Variants in GLIS3 observed in about 807,000 individuals in gnomAD.
GLIS3 encodes GLIS family zinc finger 3.
Under a neutral mutation model 78.6 loss-of-function variants are expected in GLIS3, and 53 were observed. The observed-to-expected ratio is 0.67, with a 90% CI of 0.54 to 0.85. GLIS3 has a LOEUF of 0.85. GLIS3 is among the 40% of genes least tolerant of loss of function. The pLI is 0.00. For synonymous variants in GLIS3, 684 were observed against 509.9 expected (o/e 1.34, Z -4.60); for missense variants, 1,703 against 1,231.1 (o/e 1.38, Z -5.74).
rs1832526549 is a variant in GLIS3, at chr9:4,125,751, T to A, written c.579A>T (p.Ile193=). 3 of 1,610,770 alleles carry A rather than the reference T, an allele frequency of 1.9e-6. No homozygotes were observed. Among genetic ancestry groups the A allele is most frequent in the Non-Finnish European group, 2.5e-6 (3 of 1,177,594 alleles). ...CTTGAGACCTGGTATCTGAAGGAGG[T>A]ATATTCAGGTTGGCTGCATTCATTG... The part of the protein sequence containing the change: ...QRAMNAANLN[I]PPSDTRSLIS... Residue 193 remains isoleucine, a synonymous_variant, in exon 3 of 11, where the codon ATA becomes ATT. Transcript: ENST00000381971.
At chr9:3,934,034 G>C (rs1435133987) in intron 5 of GLIS3, among the ~76,000 whole-genome samples, 1 of 152,180 alleles carries the variant, frequency 6.6e-6, no homozygotes, top group East Asian at 1.9e-4. Flanking sequence ...TTTCAGACTA[G>C]GGATCTAAAA....
At chr9:4,227,414 C>A (rs1821867525) in intron 2 of GLIS3, among the ~76,000 whole-genome samples, 1 of 151,938 alleles carries the variant, frequency 6.6e-6, no homozygotes, top group Non-Finnish European at 1.5e-5. Flanking sequence ...ATGGAAGAGG[C>A]AGTGACTTTC....
chr9:4,417,899 G>A, the GLIS3 span, among the ~76,000 whole-genome samples: 71 of 152,132 alleles, frequency 4.7e-4, no homozygotes, highest in African/African-American at 1.4e-3. Flanking sequence ...AATGTGGATT[G>A]GTATATCTGT....
intron 2 of GLIS3, among the ~76,000 whole-genome samples, chr9:4,265,596 G>A (rs1486011142): frequency 1.3e-5 from 2 of 152,114 alleles, no homozygotes; most frequent in African/African-American, 2.4e-5. Flanking sequence ...AAACAAAAAT[G>A]TTGTCACCTG....
chr9:4,295,207 T>C (rs935941466), intron 1 of GLIS3, among the ~76,000 whole-genome samples: 2 of 152,152 alleles, frequency 1.3e-5, no homozygotes, highest in Non-Finnish European at 2.9e-5. Flanking sequence ...TGGGGGTTGC[T>C]GGCCCTCACG....
At chr9:4,316,473 G>C (rs1817438055) in intron 2 of GLIS3, among the ~76,000 whole-genome samples, 1 of 152,180 alleles carries the variant, frequency 6.6e-6, no homozygotes, top group Non-Finnish European at 1.5e-5. Context: ...ATCATTTTGT[G>C]ATAACATTGA....
At chr9:4,340,491 T>A (rs1341900217) in intron 2 of GLIS3, among the ~76,000 whole-genome samples, 1 of 152,142 alleles carries the variant, frequency 6.6e-6, no homozygotes, top group Non-Finnish European at 1.5e-5. Flanking sequence ...TCAGGATGCA[T>A]CCTCCATCCC....
the GLIS3 span, among the ~76,000 whole-genome samples, chr9:4,485,342 C>A: frequency 6.6e-6 from 1 of 152,100 alleles, no homozygotes; most frequent in African/African-American, 2.4e-5. Context: ...AGATGTTTTT[C>A]AGACTTGGAT....
intron 8 of GLIS3, among the ~76,000 whole-genome samples, chr9:3,869,266 GGTGTGTGTGTGTGTGT>G (rs58818313): frequency 6.6e-6 from 1 of 151,146 alleles, no homozygotes; most frequent in Non-Finnish European, 1.5e-5. Context: ...AATTATCTAG[GGTGTGTGTGTGTGTGT>G]GTGTGTGTGT....
chr9:4,407,409 G>A, the GLIS3 span, among the ~76,000 whole-genome samples: 2 of 152,348 alleles, frequency 1.3e-5, no homozygotes, highest in South Asian at 4.1e-4. Flanking sequence ...ACTTCGGGAG[G>A]CCGAGGCAGG....
At chr9:4,050,634 G>C (rs1825686781) in intron 4 of GLIS3, among the ~76,000 whole-genome samples, 1 of 152,062 alleles carries the variant, frequency 6.6e-6, no homozygotes, top group African/African-American at 2.4e-5. Context: ...ATCTTCCGAG[G>C]AATGTTTGAA....
At chr9:4,486,910 T>C in the GLIS3 span, among the ~76,000 whole-genome samples, 1 of 152,072 alleles carries the variant, frequency 6.6e-6, no homozygotes, top group East Asian at 1.9e-4. Context: ...GTTGCCCAGG[T>C]TGGTCTCAAA....
chr9:4,236,708 A>AC (rs1324632478), intron 2 of GLIS3, among the ~76,000 whole-genome samples: 1 of 152,180 alleles, frequency 6.6e-6, no homozygotes, highest in African/African-American at 2.4e-5. Context: ...TTGAGCCCCC[A>AC]CTATGTGTAA....
At chr9:4,123,797 G>C (rs1007260052) in intron 3 of GLIS3, 3 of 398,140 alleles carry the variant, frequency 7.5e-6, no homozygotes, top group African/African-American at 6.2e-5. Context: ...CAGAATTCAG[G>C]ATGACTGTCA....
At position 4,045,029 on chromosome 9, in the gene GLIS3, G is replaced by C. The variant is rs537333233; in HGVS notation, c.1710+72739C>G. Among the ~76,000 whole-genome samples, 7 of 152,302 alleles carry C rather than the reference G, an allele frequency of 4.6e-5. No individual in the cohort carries two copies. In the Middle Eastern group the frequency reaches 0.017, roughly 370 times the overall value. ...AAAAAACAAGGCAGAGAACAGAGCA[G>C]AGTCTGTTTTTAGCATAGGACTAGG... On this transcript the variant is annotated intron_variant, in intron 4 of 10. Coordinates refer to ENST00000381971, the MANE Select transcript of GLIS3 (RefSeq NM_001042413.2).
chr9:3,963,371 G>C (rs1817708356), intron 4 of GLIS3, among the ~76,000 whole-genome samples: 1 of 152,182 alleles, frequency 6.6e-6, no homozygotes, highest in African/African-American at 2.4e-5. Flanking sequence ...GAATATTGAA[G>C]TGACGACTGC....
intron 1 of GLIS3, among the ~76,000 whole-genome samples, chr9:4,295,676 T>G (rs1816417305): frequency 1.3e-5 from 2 of 152,226 alleles, no homozygotes; most frequent in Non-Finnish European, 2.9e-5. Context: ...GATAATGCTC[T>G]GTTTCTTGAT....
intron 2 of GLIS3, among the ~76,000 whole-genome samples, chr9:4,277,816 C>T (rs925518936): frequency 2.0e-5 from 3 of 152,172 alleles, no homozygotes; most frequent in African/African-American, 4.8e-5. Context: ...ATTTCCCAGA[C>T]GCTGTGAAAA....
At chr9:3,949,569 TTTACCA>T (rs1347006620) in intron 4 of GLIS3, among the ~76,000 whole-genome samples, 3 of 152,158 alleles carry the variant, frequency 2.0e-5, no homozygotes, top group African/African-American at 7.2e-5. Flanking sequence ...TTAATACAAA[TTTACCA>T]ACAGTAACAA....
Sources: allele counts gnomAD v4.1 joint callset (sites outside exome capture counted in the v4.1 genomes callset), GRCh38; gene constraint gnomAD v4.1.1; transcripts MANE v1.5; gene names NCBI Gene and HGNC (gene_info 2026-07-23, HGNC 2026-07-21).